Variants in LRMDA observed in about 807,000 individuals in gnomAD.
The protein encoded by LRMDA is leucine rich melanocyte differentiation associated, also known as leucine-rich melanocyte differentiation-associated protein.
LRMDA carries 18 observed loss-of-function variants against 29.8 expected under a neutral mutation model. The ratio of observed to expected loss-of-function variants is 0.60; its 90% CI spans 0.42 to 0.90. LRMDA has a LOEUF of 0.90. Among genes scored for constraint, LRMDA ranks in the 40% least tolerant of loss-of-function variants. LRMDA has a pLI of 0.00. For missense variants in LRMDA, 273 were observed against 273.9 expected (o/e 1.00, Z 0.02); for synonymous variants, 125 against 109.4 (o/e 1.14, Z -0.89).
intron 2 of LRMDA, among the ~76,000 whole-genome samples, chr10:75,968,789 T>C (rs1846913121): frequency 6.6e-6 from 1 of 152,136 alleles, no homozygotes; most frequent in Non-Finnish European, 1.5e-5. Context: ...AATTAGAGCA[T>C]GGAATATGAA....
chr10:75,651,586 T>G (rs1841600296), intron 2 of LRMDA, among the ~76,000 whole-genome samples: 1 of 152,174 alleles, frequency 6.6e-6, no homozygotes. Context: ...TTAGGCGTAC[T>G]AGGAGGAGAT....
At chr10:76,041,280 G>A (rs1388383111) in intron 3 of LRMDA, among the ~76,000 whole-genome samples, 1 of 152,218 alleles carries the variant, frequency 6.6e-6, no homozygotes, top group Non-Finnish European at 1.5e-5. Flanking sequence ...ACAGAAACAT[G>A]TAAGAACCCT....
chr10:76,302,918 C>T (rs993383982), intron 5 of LRMDA, among the ~76,000 whole-genome samples: 1 of 152,194 alleles, frequency 6.6e-6, no homozygotes, highest in African/African-American at 2.4e-5. Context: ...CTTTTCTTCA[C>T]ACAATTCATT....
chr10:75,462,177 G>A (rs1844594250), intron 2 of LRMDA, among the ~76,000 whole-genome samples: 1 of 152,234 alleles, frequency 6.6e-6, no homozygotes, highest in Non-Finnish European at 1.5e-5. Context: ...TGTCAGGGGT[G>A]TCAGTTGATA....
intron 4 of LRMDA, among the ~76,000 whole-genome samples, chr10:76,052,415 T>TGGGGAGCAGCCATTGCCCTGG (rs1158958261): frequency 6.6e-6 from 1 of 152,028 alleles, no homozygotes; most frequent in African/African-American, 2.4e-5. Flanking sequence ...AAGGTGTTCC[T>TGGGGAGCAGCCATTGCCCTGG]GGGGAGCAGC....
chr10:76,526,466 T>G (rs1843175306), intron 6 of LRMDA, among the ~76,000 whole-genome samples: 1 of 152,092 alleles, frequency 6.6e-6, no homozygotes, highest in African/African-American at 2.4e-5. Flanking sequence ...GCTTTTCATT[T>G]GTGGATAGAC....
At chr10:75,649,737 A>G (rs774194633) in intron 2 of LRMDA, among the ~76,000 whole-genome samples, 5 of 152,170 alleles carry the variant, frequency 3.3e-5, no homozygotes, top group Non-Finnish European at 5.9e-5. Context: ...TGTTTTTTAT[A>G]GCAGCTGCAC....
At chr10:76,465,594 C>A (rs1842556789) in intron 6 of LRMDA, among the ~76,000 whole-genome samples, 1 of 152,178 alleles carries the variant, frequency 6.6e-6, no homozygotes, top group African/African-American at 2.4e-5. Context: ...TTTTGTACGA[C>A]CACTCCTGGA....
intron 2 of LRMDA, among the ~76,000 whole-genome samples, chr10:75,559,691 T>A (rs1840265821): frequency 6.7e-6 from 1 of 150,240 alleles, no homozygotes; most frequent in African/African-American, 2.4e-5. Context: ...CTTTAATCCA[T>A]CTTAAATTAA....
At chr10:76,345,834 T>C (rs1841101995) in intron 6 of LRMDA, among the ~76,000 whole-genome samples, 1 of 152,216 alleles carries the variant, frequency 6.6e-6, no homozygotes, top group Admixed American at 6.5e-5. Context: ...TTGAAGCATT[T>C]TTCTAGTAGT....
At chr10:76,553,292 G>A (rs1382885961) in intron 6 of LRMDA, among the ~76,000 whole-genome samples, 1 of 152,216 alleles carries the variant, frequency 6.6e-6, no homozygotes, top group South Asian at 2.1e-4. Context: ...GCCATTAAAT[G>A]TGTTGTTCCC....
chr10:75,500,544 A>G (rs1285327835), intron 2 of LRMDA, among the ~76,000 whole-genome samples: 1 of 152,188 alleles, frequency 6.6e-6, no homozygotes, highest in African/African-American at 2.4e-5. Flanking sequence ...AATACTTAGT[A>G]ATCTGAGTAT....
chr10:76,063,446 T>C (rs1848734862), intron 5 of LRMDA, among the ~76,000 whole-genome samples: 1 of 152,196 alleles, frequency 6.6e-6, no homozygotes, highest in African/African-American at 2.4e-5. Flanking sequence ...GCGATTTCCT[T>C]TCCTGATTTT....
At chr10:75,885,427 A>G (rs948195541) in intron 2 of LRMDA, among the ~76,000 whole-genome samples, 1 of 152,192 alleles carries the variant, frequency 6.6e-6, no homozygotes, top group Non-Finnish European at 1.5e-5. Context: ...AGCTTTTCGT[A>G]AGTAAAATGT....
chr10:75,778,711 G>A (rs188429933), intron 2 of LRMDA, among the ~76,000 whole-genome samples: 1 of 152,284 alleles, frequency 6.6e-6, no homozygotes, highest in Non-Finnish European at 1.5e-5. Context: ...CACTCACCTG[G>A]TTAAAGAGAT....
intron 6 of LRMDA, among the ~76,000 whole-genome samples, chr10:76,548,836 G>A (rs918884958): frequency 5.3e-5 from 8 of 152,202 alleles, no homozygotes; most frequent in Non-Finnish European, 7.3e-5. Context: ...TTCCCTGCCA[G>A]ATAATGTTTA....
rs537968576 is a variant in LRMDA, at chr10:76,061,717, T to C, written c.516+2934T>C. On this transcript the variant is annotated intron_variant, in intron 5 of 6. Coordinates refer to ENST00000611255, the MANE Select transcript of LRMDA (RefSeq NM_001305581.2). ...TGTAGTTTCCTGAGGCTCCATGGAA[T>C]TGGGACCAGAACCCCTGGGGGTCTG... Among the ~76,000 whole-genome samples the C allele has an allele frequency of 6.6e-5, 10 of 152,240 alleles. No individual in the cohort carries two copies. In the East Asian group the frequency reaches 1.7e-3, roughly 27 times the overall value.
chr10:76,322,113 A>G (rs1460485186), intron 5 of LRMDA, among the ~76,000 whole-genome samples: 1 of 152,216 alleles, frequency 6.6e-6, no homozygotes, highest in Non-Finnish European at 1.5e-5. Flanking sequence ...TCAATATACG[A>G]TGGGTGTACT....
intron 5 of LRMDA, among the ~76,000 whole-genome samples, chr10:76,071,370 T>C (rs1273985830): frequency 6.6e-6 from 1 of 152,228 alleles, no homozygotes; most frequent in Non-Finnish European, 1.5e-5. Context: ...CTGTTCAGTT[T>C]AATGCTAGAA....
Sources: allele counts gnomAD v4.1 joint callset (sites outside exome capture counted in the v4.1 genomes callset), GRCh38; gene constraint gnomAD v4.1.1; transcripts MANE v1.5; gene names NCBI Gene and HGNC (gene_info 2026-07-23, HGNC 2026-07-21).